Variants in TRIM9 observed in about 807,000 individuals in gnomAD.
TRIM9 encodes the protein E3 ubiquitin-protein ligase TRIM9.
In TRIM9, 26 loss-of-function variants were observed where a neutral mutation model predicts 78.3. The observed-to-expected ratio is 0.33, with a 90% CI of 0.24 to 0.46. The LOEUF (loss-of-function observed/expected upper bound fraction) is 0.46, where lower values mean the gene tolerates loss of function less well. Among genes scored for constraint, TRIM9 ranks in the 20% least tolerant of loss-of-function variants. The pLI is 1.00. For missense variants in TRIM9, 787 were observed against 1,036.4 expected (o/e 0.76, Z 3.30); for synonymous variants, 398 against 416.5 (o/e 0.96, Z 0.54).
At chr14:51,002,796 C>G (rs1387965983) in intron 5 of TRIM9, among the ~76,000 whole-genome samples, 1 of 152,214 alleles carries the variant, frequency 6.6e-6, no homozygotes. Flanking sequence ...TAAGAAAACA[C>G]TGTGAGACAT....
rs371076513 is a variant in TRIM9 at position 51,009,032 on chromosome 14, C to T, written c.1306+48G>A. 4.4e-6 allele frequency: 7 copies of T among 1,595,686 alleles called. No homozygotes were observed. The African/African-American group carries it at 9.4e-5, about 21-fold the overall frequency. ...GTACTGATCCTGCTTCAAGCACCAGCATCCACTCAGGATGTTGCTCTCTGA... is the reference window on the plus strand; with the variant it reads ...GTACTGATCCTGCTTCAAGCACCAGTATCCACTCAGGATGTTGCTCTCTGA... On this transcript the variant is annotated intron_variant, in intron 5 of 12. Transcript: ENST00000684578.
chr14:50,988,894 G>T (rs1423290376), intron 7 of TRIM9, among the ~76,000 whole-genome samples: 2 of 152,120 alleles, frequency 1.3e-5, no homozygotes, highest in East Asian at 3.9e-4. Flanking sequence ...AATATCATCA[G>T]AGGAGCTGCC....
intron 1 of TRIM9, among the ~76,000 whole-genome samples, chr14:51,065,407 A>T (rs1257496217): frequency 1.3e-5 from 2 of 152,198 alleles, no homozygotes; most frequent in Non-Finnish European, 2.9e-5. Flanking sequence ...TGGATAATGG[A>T]TGCTTAAGAG....
At chr14:50,982,172 T>A in intron 10 of TRIM9, 69 bp from the exon 11 acceptor site, 1 of 1,562,364 alleles carries the variant, frequency 6.4e-7, no homozygotes, top group Non-Finnish European at 8.7e-7. Context: ...AACATACTCC[T>A]GGGCGGGTGA....
chr14:51,006,569 T>TA (rs1339595882), intron 5 of TRIM9, among the ~76,000 whole-genome samples: 1 of 152,148 alleles, frequency 6.6e-6, no homozygotes, highest in Non-Finnish European at 1.5e-5. Context: ...CTGAATTAAT[T>TA]AAACTCAATG....
chr14:50,982,891 A>G (rs1011875933), intron 10 of TRIM9, 51 bp downstream of exon 10: 16 of 1,506,254 alleles, frequency 1.1e-5, no homozygotes, highest in Middle Eastern at 1.7e-4. Flanking sequence ...GAGACACCTC[A>G]CATGCACTTT....
chr14:51,091,924 A>G (rs1433414455), intron 1 of TRIM9, among the ~76,000 whole-genome samples: 1 of 152,210 alleles, frequency 6.6e-6, no homozygotes, highest in African/African-American at 2.4e-5. Context: ...TCAAATTGAC[A>G]TGGGGCTTGA....
chr14:51,014,982 C>A (rs1266009065), intron 3 of TRIM9, among the ~76,000 whole-genome samples: 1 of 152,166 alleles, frequency 6.6e-6, no homozygotes, highest in Non-Finnish European at 1.5e-5. Context: ...CCAGCTCCCA[C>A]AGGACAGTGA....
chr14:51,025,337 G>A lies in TRIM9; in HGVS notation c.846C>T (p.Asn282=), dbSNP rs777596166. The A allele has an allele frequency of 2.8e-5, 45 of 1,614,020 alleles. No individual in the cohort carries two copies. The highest frequency in any genetic ancestry group is 1.3e-4 in the African/African-American group (10 of 74,908). The change falls in exon 2 of 13, where the codon AAC becomes AAT. Residue 282 remains asparagine (N), a synonymous_variant. Transcript: ENST00000684578. The part of the protein sequence containing the change: ...LHKSQLSQAL[N]GLSDRAKEAK... ...CTTCTTTGGCCCTGTCTGACAGTCC[G>A]TTCAGCGCCTGGGAGAGCTGGCTCT...
chr14:50,990,645 C>T (rs1397330755), intron 7 of TRIM9, among the ~76,000 whole-genome samples: 1 of 152,162 alleles, frequency 6.6e-6, no homozygotes, highest in African/African-American at 2.4e-5. Flanking sequence ...ATAGTGTATA[C>T]TAATCCAGTG....
intron 5 of TRIM9, among the ~76,000 whole-genome samples, chr14:51,001,313 T>C (rs1200626035): frequency 6.7e-6 from 1 of 149,596 alleles, no homozygotes; most frequent in African/African-American, 2.5e-5. Flanking sequence ...CACTGCAAGC[T>C]CCGCCTCCCG....
chr14:51,039,044 A>G, intron 1 of TRIM9, among the ~76,000 whole-genome samples: 1 of 152,234 alleles, frequency 6.6e-6, no homozygotes. Context: ...AATGCCTGGG[A>G]AATGTTAATC....
chr14:50,982,928 A>C lies in TRIM9; in HGVS notation c.1858+14T>G, dbSNP rs146132543. On this transcript the variant is annotated intron_variant, in intron 10 of 12. Coordinates refer to ENST00000684578, the MANE Select transcript of TRIM9 (RefSeq NM_001387360.1). ...GTCTTTGCTATTTGGTAACAGAATA[A>C]GGTTATTCCATACCTGCCAACAGCT... is the stretch of plus-strand genomic sequence containing the variant. The C allele has an allele frequency of 2.6e-4, 403 of 1,546,588 alleles. 1 individual carries two copies. The East Asian group carries it at 9.3e-3, about 36-fold the overall frequency.
chr14:51,041,710 A>G (rs1157665480), intron 1 of TRIM9, among the ~76,000 whole-genome samples: 1 of 152,190 alleles, frequency 6.6e-6, no homozygotes, highest in Non-Finnish European at 1.5e-5. Context: ...TCTCTTTACT[A>G]TTATTTCTTC....
chr14:51,080,436 A>AAC (rs34062978), intron 1 of TRIM9, among the ~76,000 whole-genome samples: 1,849 of 143,998 alleles, frequency 0.013, 16 homozygotes, highest in East Asian at 0.023. Context: ...AGTTTTATTG[A>AAC]ACACACACAC....
chr14:50,996,069 G>T, intron 7 of TRIM9: 1 of 985,000 alleles, frequency 1.0e-6, no homozygotes, highest in Non-Finnish European at 1.2e-6. Context: ...CAAAGTTATG[G>T]AGAAAGTATG....
rs1314435965 is a variant in TRIM9 at position 50,982,116 on chromosome 14, G to A, written c.1859-13C>T. On this transcript the variant is annotated splice_polypyrimidine_tract_variant and intron_variant, in intron 10 of 12. Coordinates refer to ENST00000684578, the MANE Select transcript of TRIM9 (RefSeq NM_001387360.1). ...GCAAACCAGGCCACTGGGAACAACA[G>A]AAGGGAATCAGGTTATTAAGACAGA... 1.2e-6 allele frequency: 2 copies of A among 1,613,044 alleles called. No homozygotes were observed. Among genetic ancestry groups the A allele is most frequent in the Middle Eastern group, 1.7e-4 (1 of 6,008 alleles).
At chr14:51,072,850 G>GTA (rs1275521795) in intron 1 of TRIM9, among the ~76,000 whole-genome samples, 1 of 152,164 alleles carries the variant, frequency 6.6e-6, no homozygotes, top group Non-Finnish European at 1.5e-5. Context: ...AGAGAGCAAT[G>GTA]TACCGTGTAG....
chr14:51,070,886 A>C (rs751824591), intron 1 of TRIM9, among the ~76,000 whole-genome samples: 4 of 152,150 alleles, frequency 2.6e-5, no homozygotes, highest in Non-Finnish European at 5.9e-5. Flanking sequence ...TCACATTCCT[A>C]GACGTTTTCT....
Sources: allele counts gnomAD v4.1 joint callset (sites outside exome capture counted in the v4.1 genomes callset), GRCh38; gene constraint gnomAD v4.1.1; transcripts MANE v1.5; gene names NCBI Gene and HGNC (gene_info 2026-07-23, HGNC 2026-07-21).